GEMIN5: variants seen among roughly 807,000 people sequenced by gnomAD.
GEMIN5 encodes the protein gem-associated protein 5.
In GEMIN5, 124 loss-of-function variants were observed where a neutral mutation model predicts 176.9. The ratio of observed to expected loss-of-function variants is 0.70; its 90% CI spans 0.61 to 0.81. GEMIN5 has a LOEUF of 0.81. Among genes scored for constraint, GEMIN5 ranks in the 40% least tolerant of loss-of-function variants. The probability of loss-of-function intolerance (pLI) is 0.00; values close to 1 mark genes in which losing one functional copy is unlikely to be tolerated. For synonymous variants in GEMIN5, 673 were observed against 665.2 expected (o/e 1.01, Z -0.18); for missense variants, 1,843 against 1,814.6 (o/e 1.02, Z -0.28).
chr5:154,918,432 T>C (rs1763856727), intron 11 of GEMIN5, among the ~76,000 whole-genome samples: 1 of 152,156 alleles, frequency 6.6e-6, no homozygotes, highest in Non-Finnish European at 1.5e-5. Context: ...CAAGGCTGCC[T>C]GGGCCCTCTT....
chr5:154,929,171 C>G (rs1195446308), intron 5 of GEMIN5, among the ~76,000 whole-genome samples: 1 of 152,172 alleles, frequency 6.6e-6, no homozygotes, highest in Non-Finnish European at 1.5e-5. Context: ...TTGCAGTGAG[C>G]TGAGATCGTG....
chr5:154,936,311 A>AG (rs1561732778), intron 2 of GEMIN5, among the ~76,000 whole-genome samples: 6 of 151,952 alleles, frequency 3.9e-5, no homozygotes, highest in African/African-American at 1.2e-4. Flanking sequence ...CAGCTACTCG[A>AG]GAGGCTGAGG....
chr5:154,921,670 A>C (rs1181832260), intron 9 of GEMIN5, among the ~76,000 whole-genome samples: 1 of 152,192 alleles, frequency 6.6e-6, no homozygotes, highest in Non-Finnish European at 1.5e-5. Flanking sequence ...ATTAAGTCCC[A>C]AACATATTTT....
chr5:154,890,058 G>C (rs1763191439), intron 26 of GEMIN5, among the ~76,000 whole-genome samples: 1 of 152,204 alleles, frequency 6.6e-6, no homozygotes, highest in Admixed American at 6.5e-5. Flanking sequence ...GTTTTCCACA[G>C]TGGCTGCATC....
chr5:154,911,875 C>A lies in GEMIN5; in HGVS notation c.2019G>T (p.Glu673Asp), dbSNP rs1178325577. 4.3e-6 allele frequency: 7 copies of A among 1,614,118 alleles called. No individual in the cohort carries two copies. The highest frequency in any genetic ancestry group is 5.9e-6 in the Non-Finnish European group (7 of 1,180,002). Residue 673 changes from glutamate (E) to aspartate (D), a missense_variant, in exon 15 of 28, where the codon GAG becomes GAT. By Grantham distance (45) the Glu-to-Asp change is conservative. Coordinates refer to ENST00000285873, the MANE Select transcript of GEMIN5 (RefSeq NM_015465.5). ...TAQVWDALRE[E>D]PLCNFRGHRG... ...GATGTCCTCGGAAATTGCACAGGGG[C>A]TCTTCCCGGAGAGCATCCCACACCT...
intron 23 of GEMIN5, among the ~76,000 whole-genome samples, chr5:154,898,047 C>T (rs1036929452): frequency 3.3e-5 from 5 of 150,996 alleles, no homozygotes; most frequent in Middle Eastern, 3.5e-3. Flanking sequence ...ATTACAGAAG[C>T]GTGCCACCAC....
rs190793327 is a variant in GEMIN5, at chr5:154,931,461, G to A, written c.778C>T (p.Arg260Ter). The change falls in exon 5 of 28, where the codon CGA becomes TGA. Residue 260 changes from arginine to a stop codon, truncating the protein, a stop_gained. Transcript: ENST00000285873. LOFTEE classifies it high-confidence loss of function. The part of the protein sequence containing the change: ...TIRIWSCSRG[R>*]GVMILKLPFL... ...ACAAAAGAAAGATCAATCTTACCTC[G>A]GCCTCTAGAACAGCTCCAGATTCGA... is the stretch of plus-strand genomic sequence containing the variant. 52 of 1,603,874 alleles carry A rather than the reference G, an allele frequency of 3.2e-5. No individual in the cohort carries two copies. The African/African-American group carries it at 5.9e-4, about 18-fold the overall frequency.
Position 154,905,376 on chromosome 5 carries a change from T to C in GEMIN5, c.2496A>G (p.Pro832=), listed in dbSNP as rs1763547938. ...NKVILLKKEP[P]KEKPETLIKK... is the part of the protein sequence containing the mutation. ...CTAGATACCAACCTGGCTTCTCTTTTGGTGGCTCCTTTTTCAGTAAAATGA... is the reference window on the plus strand; with the variant it reads ...CTAGATACCAACCTGGCTTCTCTTTCGGTGGCTCCTTTTTCAGTAAAATGA... The change falls in exon 17 of 28, where the codon CCA becomes CCG. Residue 832 remains proline (P), a synonymous_variant. Coordinates refer to ENST00000285873, the MANE Select transcript of GEMIN5 (RefSeq NM_015465.5). 1 of 1,582,454 alleles carries C rather than the reference T, an allele frequency of 6.3e-7. No individual in the cohort carries two copies. The highest frequency in any genetic ancestry group is 1.4e-5 in the African/African-American group (1 of 74,012).
rs559119477 is a variant in GEMIN5, at chr5:154,888,096, G to A, written c.*114C>T. On this transcript the variant is annotated 3_prime_UTR_variant, in exon 28 of 28. Coordinates refer to ENST00000285873, the MANE Select transcript of GEMIN5 (RefSeq NM_015465.5). ...ACTTAATCCTTGTTTGTATTCTTTT[G>A]GATTACTGCAAAAACATCTAGGGAC... 2.1e-4 allele frequency: 206 copies of A among 963,848 alleles called. 4 individuals carry two copies. The South Asian group carries it at 2.7e-3, about 12-fold the overall frequency. The allele number at this position is 963,848 out of a possible 1,614,324, so 59.7% of individuals were successfully genotyped here.
chr5:154,937,006 A>C lies in GEMIN5; in HGVS notation c.327+19T>G. 6.3e-7 allele frequency: 1 copy of C among 1,596,296 alleles called. No individual in the cohort carries two copies. The highest frequency in any genetic ancestry group is 1.3e-5 in the African/African-American group (1 of 74,594). On this transcript the variant is annotated intron_variant, in intron 2 of 27. Coordinates refer to ENST00000285873, the MANE Select transcript of GEMIN5 (RefSeq NM_015465.5). ...ACAGATAGATAAAAACGGTTTGAGAAACCAGTAAGCCATGGTACCTGATGG... is the reference window on the plus strand; with the variant it reads ...ACAGATAGATAAAAACGGTTTGAGACACCAGTAAGCCATGGTACCTGATGG...
intron 13 of GEMIN5, among the ~76,000 whole-genome samples, chr5:154,915,216 C>T (rs1416069796): frequency 6.6e-6 from 1 of 152,142 alleles, no homozygotes; most frequent in Non-Finnish European, 1.5e-5. Context: ...ACTCAGGAGT[C>T]ACTACTAGAA....
Position 154,935,992 on chromosome 5 carries a change from G to A in GEMIN5, c.358C>T (p.Arg120Ter), listed in dbSNP as rs201870712. The change falls in exon 3 of 28, where the codon CGA becomes TGA. Residue 120 changes from arginine (R) to a stop codon, truncating the protein, a stop_gained. Transcript: ENST00000285873. LOFTEE classifies it high-confidence loss of function. Reference sequence around the variant, plus strand: ...CCAGATACTATTAAGTCCTTTACTCGAGGAGACCAATGTAATGTTGATATC... The same window carrying A: ...CCAGATACTATTAAGTCCTTTACTCAAGGAGACCAATGTAATGTTGATATC... ...HTISTLHWSP[R>*]VKDLIVSGDE... 6 of 1,610,396 alleles carry A rather than the reference G, an allele frequency of 3.7e-6. No homozygotes were observed. Among genetic ancestry groups the A allele is most frequent in the African/African-American group, 1.3e-5 (1 of 74,882 alleles).
intron 4 of GEMIN5, chr5:154,931,798 T>G: frequency 2.0e-6 from 1 of 501,940 alleles, no homozygotes; most frequent in South Asian, 2.6e-5. Flanking sequence ...GTGGATCACC[T>G]GAGGTCGGGA....
rs977611668 is a variant in GEMIN5, at chr5:154,921,203, T to A, written c.1462+140A>T. The A allele has an allele frequency of 5.1e-6, 3 of 586,072 alleles. No homozygotes were observed. In the South Asian group the frequency reaches 6.4e-5, roughly 13 times the overall value. 36.3% of individuals were successfully genotyped at this position (586,072 alleles called of 1,614,324 possible). A position where few individuals can be genotyped will look rare whatever the true frequency, so the allele number is the denominator to read the frequency against. On this transcript the variant is annotated intron_variant, in intron 10 of 27. Coordinates refer to ENST00000285873, the MANE Select transcript of GEMIN5 (RefSeq NM_015465.5). ...TTATCATCTGCCACTACTGTCTTCA[T>A]GAACCCCTGGGGACATAAGTAGCCC...
At chr5:154,923,321 G>C (rs1763965378) in intron 9 of GEMIN5, among the ~76,000 whole-genome samples, 1 of 152,018 alleles carries the variant, frequency 6.6e-6, no homozygotes, top group Non-Finnish European at 1.5e-5. Flanking sequence ...CGAAGGTTTT[G>C]GTGAGCTGAG....
In GEMIN5 at chr5:154,901,525, A is replaced by G. The variant is rs773950112; in HGVS notation, c.2867-39T>C. On this transcript the variant is annotated intron_variant, in intron 20 of 27. Transcript: ENST00000285873. ...AGATGGTGGTTAAAAAAACAGTTGA[A>G]GAAAAAGTAAAAACAATACCCAGTA... The G allele has an allele frequency of 2.5e-6, 4 of 1,605,756 alleles. No homozygotes were observed. In the Admixed American group the frequency reaches 6.7e-5, roughly 27 times the overall value.
In GEMIN5 at chr5:154,898,482, C is replaced by T. The variant is rs774684612; in HGVS notation, c.3303G>A (p.Trp1101Ter). Residue 1101 changes from tryptophan to a stop codon, truncating the protein, a stop_gained, in exon 23 of 28, where the codon TGG (tryptophan) becomes TGA (stop). Transcript: ENST00000285873. LOFTEE classifies it high-confidence loss of function. ...GCTGCAGGGCTTCCTGGGCTCCCAC[C>T]CAGTTGTTGGCCAGAAGCAGCTCTT... ...CAQELLLANN[W>*]VGAQEALQLH... 4 of 1,614,170 alleles carry T rather than the reference C, an allele frequency of 2.5e-6. No homozygotes were observed. The highest frequency in any genetic ancestry group is 3.4e-6 in the Non-Finnish European group (4 of 1,180,026).
chr5:154,911,254 C>T (rs1181166068), intron 15 of GEMIN5, among the ~76,000 whole-genome samples: 2 of 152,060 alleles, frequency 1.3e-5, no homozygotes, highest in African/African-American at 2.4e-5. Flanking sequence ...TGGCTCATGC[C>T]TGTAATCCTA....
Position 154,928,520 on chromosome 5 carries a change from G to A in GEMIN5, c.914+7C>T, listed in dbSNP as rs758781420. ...TATCTGAGAAAGCATGACCAAAAAA[G>A]ACTTACCCAAAACAGCTAGATACCA... On this transcript the variant is annotated splice_region_variant and intron_variant, in intron 6 of 27. Coordinates refer to ENST00000285873, the MANE Select transcript of GEMIN5 (RefSeq NM_015465.5). 8 of 1,613,586 alleles carry A rather than the reference G, an allele frequency of 5.0e-6. No individual in the cohort carries two copies. The highest frequency in any genetic ancestry group is 6.8e-6 in the Non-Finnish European group (8 of 1,179,752).
Sources: gnomAD v4.1 joint callset for allele counts (sites outside exome capture counted in the v4.1 genomes callset) on GRCh38, gnomAD v4.1.1 for gene constraint, MANE v1.5 for transcripts, NCBI Gene and HGNC (gene_info 2026-07-23, HGNC 2026-07-21) for gene names.